Variants in SGCZ observed in about 807,000 individuals in gnomAD.
The protein encoded by SGCZ is sarcoglycan zeta, also known as zeta-sarcoglycan.
Under a neutral mutation model 41.3 loss-of-function variants are expected in SGCZ, and 40 were observed. The ratio of observed to expected loss-of-function variants is 0.97; its 90% CI spans 0.75 to 1.26. The LOEUF (loss-of-function observed/expected upper bound fraction) is 1.26, where lower values mean the gene tolerates loss of function less well. Among genes scored for constraint, SGCZ ranks in the 50% most tolerant of loss-of-function variants. The pLI, the probability that SGCZ is intolerant of heterozygous loss-of-function variation, is 0.00. For missense variants in SGCZ, 552 were observed against 369.8 expected (o/e 1.49, Z -4.04); for synonymous variants, 206 against 137.5 (o/e 1.50, Z -3.49).
At chr8:15,174,364 C>T (rs989984872) in intron 1 of SGCZ, among the ~76,000 whole-genome samples, 3 of 152,090 alleles carry the variant, frequency 2.0e-5, no homozygotes, top group Admixed American at 2.0e-4. Flanking sequence ...CTGTTGCAAA[C>T]AGAGCTGCTA....
intron 1 of SGCZ, among the ~76,000 whole-genome samples, chr8:14,905,871 T>A (rs1362865582): frequency 1.3e-5 from 2 of 151,940 alleles, no homozygotes; most frequent in Admixed American, 1.3e-4. Flanking sequence ...CAATATATAT[T>A]TATATACACA....
intron 1 of SGCZ, among the ~76,000 whole-genome samples, chr8:14,981,089 T>C (rs1439040878): frequency 3.3e-5 from 5 of 152,076 alleles, no homozygotes; most frequent in Non-Finnish European, 7.4e-5. Context: ...TGCTCAGAAA[T>C]CTCCTACCAA....
intron 1 of SGCZ, among the ~76,000 whole-genome samples, chr8:15,109,811 T>C (rs1806976607): frequency 6.6e-6 from 1 of 152,222 alleles, no homozygotes; most frequent in African/African-American, 2.4e-5. Flanking sequence ...CAGGTGACAT[T>C]GCAGAAATAG....
intron 1 of SGCZ, among the ~76,000 whole-genome samples, chr8:14,957,178 C>T (rs1225774075): frequency 6.6e-6 from 1 of 152,046 alleles, no homozygotes; most frequent in African/African-American, 2.4e-5. Flanking sequence ...TTTGTTTTCT[C>T]TCTTATGCAA....
chr8:15,076,135 A>G (rs1805521795), intron 1 of SGCZ, among the ~76,000 whole-genome samples: 1 of 152,160 alleles, frequency 6.6e-6, no homozygotes, highest in Non-Finnish European at 1.5e-5. Flanking sequence ...ATTTAAACAC[A>G]TTACAAAATA....
intron 1 of SGCZ, among the ~76,000 whole-genome samples, chr8:15,021,807 T>G (rs1803259231): frequency 6.6e-6 from 1 of 152,198 alleles, no homozygotes; most frequent in South Asian, 2.1e-4. Context: ...TTACTGGAAC[T>G]TAAAAATTAG....
chr8:14,957,268 T>A (rs1207279137), intron 1 of SGCZ, among the ~76,000 whole-genome samples: 1 of 152,156 alleles, frequency 6.6e-6, no homozygotes, highest in Non-Finnish European at 1.5e-5. Flanking sequence ...CCAAATTTAT[T>A]TGCCAAATAT....
chr8:14,105,161 G>A (rs1802163956), intron 6 of SGCZ, among the ~76,000 whole-genome samples: 1 of 151,836 alleles, frequency 6.6e-6, no homozygotes, highest in African/African-American at 2.4e-5. Context: ...GTACAAAACA[G>A]TATCATCTTA....
chr8:14,775,460 AGTGTGTGTGTGT>A (rs71739993), intron 1 of SGCZ, among the ~76,000 whole-genome samples: 4 of 149,316 alleles, frequency 2.7e-5, no homozygotes, highest in East Asian at 4.0e-4. Context: ...AGAATATTTG[AGTGTGTGTGTGT>A]GTGTGTGTGT....
intron 2 of SGCZ, among the ~76,000 whole-genome samples, chr8:14,441,343 A>G (rs1037698214): frequency 2.6e-5 from 4 of 152,112 alleles, no homozygotes; most frequent in Non-Finnish European, 4.4e-5. Context: ...TTGGGAGGCC[A>G]AGACAGGTGG....
intron 1 of SGCZ, among the ~76,000 whole-genome samples, chr8:15,147,041 T>A (rs268443): frequency 0.13 from 20,261 of 152,166 alleles, 1,776 homozygotes; most frequent in African/African-American, 0.25. Flanking sequence ...TTGGTCTAGG[T>A]CATCATGAAA....
At chr8:14,944,715 A>C (rs927962190) in intron 1 of SGCZ, among the ~76,000 whole-genome samples, 2 of 152,176 alleles carry the variant, frequency 1.3e-5, no homozygotes, top group Non-Finnish European at 2.9e-5. Context: ...TGATAAACCC[A>C]TTGTAGGCTG....
At chr8:14,668,945 TG>T (rs1808006584) in intron 1 of SGCZ, among the ~76,000 whole-genome samples, 1 of 152,016 alleles carries the variant, frequency 6.6e-6, no homozygotes, top group African/African-American at 2.4e-5. Flanking sequence ...TATGTGTGTG[TG>T]TGTTTGTGGT....
intron 5 of SGCZ, among the ~76,000 whole-genome samples, chr8:14,110,863 T>C (rs2117009998): frequency 6.6e-6 from 1 of 152,058 alleles, no homozygotes; most frequent in Admixed American, 6.6e-5. Context: ...GATCAGCCTG[T>C]CCAACAGGGC....
chr8:15,154,824 T>TA (rs1799283332), intron 1 of SGCZ, among the ~76,000 whole-genome samples: 1 of 152,188 alleles, frequency 6.6e-6, no homozygotes, highest in Non-Finnish European at 1.5e-5. Context: ...TATAAAAAGT[T>TA]ATAGTCCTTT....
chr8:14,663,206 A>G (rs1807810359), intron 1 of SGCZ, among the ~76,000 whole-genome samples: 1 of 152,218 alleles, frequency 6.6e-6, no homozygotes, highest in African/African-American at 2.4e-5. Flanking sequence ...AATAGGGACA[A>G]TTGTACCTAC....
chr8:14,933,059 G>T (rs1375137179), intron 1 of SGCZ, among the ~76,000 whole-genome samples: 3 of 152,062 alleles, frequency 2.0e-5, no homozygotes, highest in Non-Finnish European at 4.4e-5. Context: ...CAGCAGGGAG[G>T]GCAGGAGGGG....
intron 1 of SGCZ, among the ~76,000 whole-genome samples, chr8:14,712,270 A>G (rs546581150): frequency 6.6e-6 from 1 of 152,312 alleles, no homozygotes; most frequent in African/African-American, 2.4e-5. Flanking sequence ...CCGTCCTGAA[A>G]CCCTTGCAGG....
intron 2 of SGCZ, among the ~76,000 whole-genome samples, chr8:14,501,499 C>G (rs1244465003): frequency 1.3e-5 from 2 of 151,670 alleles, no homozygotes; most frequent in Non-Finnish European, 2.9e-5. Flanking sequence ...TATTTTAGCT[C>G]TTATAATTTA....
Sources: allele counts gnomAD v4.1 joint callset (sites outside exome capture counted in the v4.1 genomes callset), GRCh38; gene constraint gnomAD v4.1.1; transcripts MANE v1.5; gene names NCBI Gene and HGNC (gene_info 2026-07-23, HGNC 2026-07-21).